The following CCDC178 variants were observed in gnomAD, a reference collection of about 807,000 sequenced individuals.
CCDC178 encodes the protein coiled-coil domain-containing protein 178.
In CCDC178, 126 loss-of-function variants were observed where a neutral mutation model predicts 117.4. The ratio of observed to expected loss-of-function variants is 1.07; its 90% CI spans 0.93 to 1.24. The LOEUF (loss-of-function observed/expected upper bound fraction) is 1.24. Among genes scored for constraint, CCDC178 ranks in the 50% most tolerant of loss-of-function variants. The probability of loss-of-function intolerance (pLI) is 0.00; values close to 1 mark genes in which losing one functional copy is unlikely to be tolerated. For synonymous variants in CCDC178, 283 were observed against 313.4 expected (o/e 0.90, Z 1.02); for missense variants, 1,030 against 986.9 (o/e 1.04, Z -0.59).
intron 22 of CCDC178, among the ~76,000 whole-genome samples, chr18:32,966,339 C>T (rs887077968): frequency 6.6e-6 from 1 of 151,802 alleles, no homozygotes; most frequent in Admixed American, 6.6e-5. Context: ...TTTATTGGAA[C>T]ACAGCTGCAT....
Position 33,282,184 on chromosome 18 carries a change from T to C in CCDC178, c.1176+10975A>G, listed in dbSNP as rs556676968. ...AAACTGGCTAGGAGCAACTTGCTCT[T>C]GCCACGGGCCTCTGAAACCCGGCAG... is the stretch of plus-strand genomic sequence containing the variant. On this transcript the variant is annotated intron_variant, in intron 12 of 22. Transcript: ENST00000383096. Among the ~76,000 whole-genome samples the C allele has an allele frequency of 3.9e-5, 6 of 152,262 alleles. No individual in the cohort carries two copies. The South Asian group carries it at 1.2e-3, about 32-fold the overall frequency.
At chr18:33,003,939 A>C (rs1202872477) in intron 21 of CCDC178, among the ~76,000 whole-genome samples, 1 of 152,126 alleles carries the variant, frequency 6.6e-6, no homozygotes, top group Admixed American at 6.5e-5. Flanking sequence ...ATAGATGCAA[A>C]TGCAATTTAA....
chr18:33,321,278 G>T (rs1167544453), intron 11 of CCDC178, among the ~76,000 whole-genome samples: 1 of 152,142 alleles, frequency 6.6e-6, no homozygotes, highest in East Asian at 1.9e-4. Context: ...CACAGCAAAA[G>T]AAACTACCAT....
intron 20 of CCDC178, among the ~76,000 whole-genome samples, chr18:33,152,877 C>T (rs2058355824): frequency 6.6e-6 from 1 of 151,818 alleles, no homozygotes; most frequent in Non-Finnish European, 1.5e-5. Context: ...AAGAGAATGC[C>T]TTGACATACT....
chr18:33,436,477 G>A (rs1335082946), intron 2 of CCDC178, among the ~76,000 whole-genome samples: 1 of 152,118 alleles, frequency 6.6e-6, no homozygotes, highest in African/African-American at 2.4e-5. Context: ...TGGTTTTAAT[G>A]GGGAAAAGAC....
At chr18:33,032,514 C>G (rs2056362829) in intron 21 of CCDC178, among the ~76,000 whole-genome samples, 1 of 151,966 alleles carries the variant, frequency 6.6e-6, no homozygotes, top group Non-Finnish European at 1.5e-5. Context: ...ATAAAATTAT[C>G]CTTGCATTTT....
At chr18:33,412,550 T>C (rs2144900787) in intron 2 of CCDC178, among the ~76,000 whole-genome samples, 1 of 152,286 alleles carries the variant, frequency 6.6e-6, no homozygotes, top group South Asian at 2.1e-4. Flanking sequence ...AATGGATTTC[T>C]ATATCTCCAT....
At chr18:33,000,407 G>C (rs1376800560) in intron 21 of CCDC178, among the ~76,000 whole-genome samples, 3 of 152,082 alleles carry the variant, frequency 2.0e-5, no homozygotes, top group African/African-American at 4.8e-5. Flanking sequence ...GAAAGAGATG[G>C]GGTAGAAAGT....
At chr18:33,211,419 C>T (rs1322718589) in intron 20 of CCDC178, among the ~76,000 whole-genome samples, 1 of 151,786 alleles carries the variant, frequency 6.6e-6, no homozygotes, top group African/African-American at 2.4e-5. Context: ...ACTTTTAATA[C>T]AATTTCCCTG....
At chr18:33,393,573 T>A (rs1338614233) in intron 4 of CCDC178, among the ~76,000 whole-genome samples, 3 of 152,060 alleles carry the variant, frequency 2.0e-5, no homozygotes, top group African/African-American at 4.8e-5. Flanking sequence ...GACCTTGCAA[T>A]AATGAAATTA....
intron 20 of CCDC178, 37 bp from the exon 21 acceptor site, chr18:33,092,947 A>G (rs1398605108): frequency 7.9e-7 from 1 of 1,258,462 alleles, no homozygotes; most frequent in East Asian, 2.5e-5. Flanking sequence ...TTGTGTGTAT[A>G]TATATATAAA....
intron 20 of CCDC178, among the ~76,000 whole-genome samples, chr18:33,103,000 A>G (rs1283558366): frequency 6.6e-6 from 1 of 151,838 alleles, no homozygotes; most frequent in Non-Finnish European, 1.5e-5. Flanking sequence ...CTGTTCCTTT[A>G]TAGACAAACA....
chr18:33,267,341 T>C (rs766686792), intron 12 of CCDC178, 44 bp from the exon 13 acceptor site: 2 of 1,101,612 alleles, frequency 1.8e-6, no homozygotes, highest in African/African-American at 1.6e-5. Context: ...GTATAGCTTT[T>C]CATCCTTCCA....
At chr18:32,941,357 G>C (rs2144587471) in intron 22 of CCDC178, among the ~76,000 whole-genome samples, 1 of 152,018 alleles carries the variant, frequency 6.6e-6, no homozygotes, top group South Asian at 2.1e-4. Context: ...AAAATCTTTG[G>C]CACTTGTCTA....
At chr18:33,055,608 T>C (rs1203429907) in intron 21 of CCDC178, among the ~76,000 whole-genome samples, 1 of 152,076 alleles carries the variant, frequency 6.6e-6, no homozygotes, top group Non-Finnish European at 1.5e-5. Flanking sequence ...GGATTACAGG[T>C]TTGAGCCACC....
Position 33,360,384 on chromosome 18 carries a change from T to C in CCDC178, c.349-4038A>G, listed in dbSNP as rs964702415. Among the ~76,000 whole-genome samples, 5 of 151,364 alleles carry C rather than the reference T, an allele frequency of 3.3e-5. No individual in the cohort carries two copies. The South Asian group carries it at 1.0e-3, about 31-fold the overall frequency. On this transcript the variant is annotated intron_variant, in intron 6 of 22. Coordinates refer to ENST00000383096, the MANE Select transcript of CCDC178 (RefSeq NM_001105528.4). The stretch of plus-strand genomic sequence containing the variant: ...CAACAGATGGACAGATACCAATCGT[T>C]GTATATATACACAATAGATTATTCA...
At chr18:33,003,698 A>G (rs117443638) in intron 21 of CCDC178, among the ~76,000 whole-genome samples, 46 of 152,230 alleles carry the variant, frequency 3.0e-4, no homozygotes, top group Admixed American at 5.2e-4. Flanking sequence ...TGAGACGAGA[A>G]AGAAATAAAG....
intron 21 of CCDC178, among the ~76,000 whole-genome samples, chr18:33,047,357 T>C (rs1290690660): frequency 6.6e-6 from 1 of 152,198 alleles, no homozygotes; most frequent in Non-Finnish European, 1.5e-5. Context: ...TTTTAACCAA[T>C]ATGTTACAAA....
intron 7 of CCDC178, among the ~76,000 whole-genome samples, chr18:33,352,051 G>A (rs1666305830): frequency 6.6e-6 from 1 of 152,144 alleles, no homozygotes; most frequent in Non-Finnish European, 1.5e-5. Context: ...ATCTGGTCCT[G>A]AGATTTTTTT....
Sources: allele counts gnomAD v4.1 joint callset (sites outside exome capture counted in the v4.1 genomes callset), GRCh38; gene constraint gnomAD v4.1.1; transcripts MANE v1.5; gene names NCBI Gene and HGNC (gene_info 2026-07-23, HGNC 2026-07-21).